Variants in KIF26B observed in about 807,000 individuals in gnomAD.
The protein encoded by KIF26B is kinesin-like protein KIF26B.
KIF26B carries 63 observed loss-of-function variants against 151.2 expected under a neutral mutation model. That is an observed-to-expected ratio of 0.42 (90% CI 0.34 to 0.51). The LOEUF (loss-of-function observed/expected upper bound fraction) is 0.51. Ranked by LOEUF, KIF26B falls within the 20% of genes least tolerant of loss-of-function variation. The probability of loss-of-function intolerance (pLI) is 0.07; values close to 1 mark genes in which losing one functional copy is unlikely to be tolerated. For missense variants in KIF26B, 2,813 were observed against 2,913.6 expected (o/e 0.97, Z 0.79); for synonymous variants, 1,357 against 1,262.1 (o/e 1.08, Z -1.59).
chr1:245,691,281 C>A (rs1318157210), intron 12 of KIF26B, among the ~76,000 whole-genome samples: 1 of 152,252 alleles, frequency 6.6e-6, no homozygotes, highest in African/African-American at 2.4e-5. Context: ...TCTGCATACG[C>A]CCTTGCTCTG....
In KIF26B at chr1:245,367,062, G is replaced by A; in HGVS notation, c.694G>A (p.Gly232Arg). ...GCTCTCCAACATCCCCACCCTGGTG[G>A]GGTCCCGGCACGTGGGTGGGCTCCA... ...PPLSNIPTLV[G>R]SRHVGGLQQP... Residue 232 changes from glycine (G) to arginine (R), a missense_variant, in exon 3 of 15, where the codon GGG becomes AGG. This residue lies in a region of KIF26B where 676 missense variants were observed against 688.1 expected (regional missense o/e 0.98). Coordinates refer to ENST00000407071, the MANE Select transcript of KIF26B (RefSeq NM_018012.4). This position sits in a 1 kb window ranked among gnomAD's most constrained non-coding sequence, Gnocchi z 4.2. The A allele has an allele frequency of 1.9e-6, 3 of 1,606,098 alleles. No individual in the cohort carries two copies. The highest frequency in any genetic ancestry group is 1.7e-4 in the Middle Eastern group (1 of 6,048).
chr1:245,377,814 A>G (rs532494864), intron 3 of KIF26B, among the ~76,000 whole-genome samples: 22 of 152,230 alleles, frequency 1.4e-4, no homozygotes, highest in African/African-American at 5.3e-4. Flanking sequence ...TTGGAGGAAA[A>G]AAAAGGAACA....
chr1:245,522,222 G>C (rs1463431901), intron 4 of KIF26B, among the ~76,000 whole-genome samples: 2 of 152,196 alleles, frequency 1.3e-5, no homozygotes, highest in African/African-American at 2.4e-5. Context: ...CTGGGGGCAT[G>C]AGGGACATAG....
intron 10 of KIF26B, among the ~76,000 whole-genome samples, chr1:245,647,635 T>C (rs1437786473): frequency 6.6e-6 from 1 of 152,146 alleles, no homozygotes; most frequent in Non-Finnish European, 1.5e-5. Flanking sequence ...GTAAAAACCC[T>C]ACAAAACCTA....
chr1:245,350,621 C>G (rs531047930), intron 2 of KIF26B, among the ~76,000 whole-genome samples: 6 of 152,214 alleles, frequency 3.9e-5, no homozygotes, highest in African/African-American at 1.4e-4. Context: ...AGCTGCATCC[C>G]AAGTGTTTTT....
intron 3 of KIF26B, among the ~76,000 whole-genome samples, chr1:245,385,797 G>A (rs1240436449): frequency 2.0e-5 from 3 of 152,202 alleles, no homozygotes; most frequent in African/African-American, 7.2e-5. Flanking sequence ...GAGACAGGGA[G>A]GTTGGCAGAC....
intron 4 of KIF26B, among the ~76,000 whole-genome samples, chr1:245,502,772 G>T (rs888322563): frequency 1.3e-5 from 2 of 151,582 alleles, no homozygotes; most frequent in African/African-American, 2.4e-5. Flanking sequence ...GAGGGTTAAA[G>T]AACATCAGTG....
intron 9 of KIF26B, among the ~76,000 whole-genome samples, chr1:245,631,550 A>C (rs2043781876): frequency 6.6e-6 from 1 of 152,094 alleles, no homozygotes; most frequent in African/African-American, 2.4e-5. Context: ...TGATTTTTGC[A>C]TCTATGTTCA....
At chr1:245,680,522 G>C (rs58377401) in intron 10 of KIF26B, among the ~76,000 whole-genome samples, 4,015 of 152,228 alleles carry the variant, frequency 0.026, 92 homozygotes, top group East Asian at 0.06. Context: ...GTGGGGAGTC[G>C]CGGAAATACA....
intron 3 of KIF26B, among the ~76,000 whole-genome samples, chr1:245,394,676 GT>G (rs907763110): frequency 7.5e-6 from 1 of 132,616 alleles, no homozygotes; most frequent in Non-Finnish European, 1.6e-5. Context: ...GTACCTTCAA[GT>G]TTTTTTCTTT....
chr1:245,520,520 CCATCCAT>C (rs1661069220), intron 4 of KIF26B, among the ~76,000 whole-genome samples: 1 of 332 alleles, frequency 3.0e-3, no homozygotes, highest in Non-Finnish European at 6.2e-3. Flanking sequence ...ATTCATCCAT[CCATCCAT>C]CCATCCATCC....
At chr1:245,297,866 G>A (rs1671364463) in intron 2 of KIF26B, among the ~76,000 whole-genome samples, 1 of 137,950 alleles carries the variant, frequency 7.2e-6, no homozygotes, top group African/African-American at 2.9e-5. Flanking sequence ...ATGCCTGATG[G>A]GCATCAGTTT....
intron 12 of KIF26B, among the ~76,000 whole-genome samples, chr1:245,689,570 C>T (rs1412335748): frequency 6.6e-6 from 1 of 152,012 alleles, no homozygotes; most frequent in African/African-American, 2.4e-5. Context: ...TCTTTTTTTC[C>T]TTTTTTTGAG....
chr1:245,288,397 C>G (rs970159833), intron 2 of KIF26B, among the ~76,000 whole-genome samples: 1 of 152,198 alleles, frequency 6.6e-6, no homozygotes, highest in Non-Finnish European at 1.5e-5. Flanking sequence ...AATGCAGCAT[C>G]CCATTTAACG....
chr1:245,424,742 G>T (rs530368276), intron 4 of KIF26B, among the ~76,000 whole-genome samples: 1 of 150,262 alleles, frequency 6.7e-6, no homozygotes, highest in Non-Finnish European at 1.5e-5. Flanking sequence ...AAAAATCGGG[G>T]CTTGCATTTT....
Position 245,488,944 on chromosome 1 carries a change from G to T in KIF26B, c.1167-51823G>T, listed in dbSNP as rs1474278099. Among the ~76,000 whole-genome samples, 1 of 152,146 alleles carries T rather than the reference G, an allele frequency of 6.6e-6. No individual in the cohort carries two copies. Among genetic ancestry groups the T allele is most frequent in the Non-Finnish European group, 1.5e-5 (1 of 68,030 alleles). ...CTCCTCTAGTGACTCTTAAGCCTCAGGCTCTTTTATTTGCAAATGTCCTGC... is the reference window on the plus strand; with the variant it reads ...CTCCTCTAGTGACTCTTAAGCCTCATGCTCTTTTATTTGCAAATGTCCTGC... On this transcript the variant is annotated intron_variant, in intron 4 of 14. Transcript: ENST00000407071. This position sits in a 1 kb window ranked among gnomAD's most constrained non-coding sequence, Gnocchi z 4.6.
intron 5 of KIF26B, among the ~76,000 whole-genome samples, chr1:245,559,727 A>G (rs2042920386): frequency 6.6e-6 from 1 of 151,604 alleles, no homozygotes; most frequent in African/African-American, 2.4e-5. Context: ...TTGTTTTTGT[A>G]GAGATGGGGG....
Position 245,684,355 on chromosome 1 carries a change from T to C in KIF26B, c.2381T>C (p.Ile794Thr), listed in dbSNP as rs1306218260. ...GCGGAGACCCTGTCCACCATCCAGA[T>C]TGCATCGAGAGTCTTGAGGATGAAG... is the stretch of plus-strand genomic sequence containing the variant. ...SYAETLSTIQ[I>T]ASRVLRMKKK... The change falls in exon 11 of 15, where the codon ATT becomes ACT. Residue 794 changes from isoleucine (I) to threonine (T), a missense_variant. By Grantham distance (89) the Ile-to-Thr change is moderately conservative (BLOSUM62 -1). Around this residue, in one of 3 missense-constraint regions of KIF26B, gnomAD observed 2,060 missense variants for 2,088.6 expected, o/e 0.99. Coordinates refer to ENST00000407071, the MANE Select transcript of KIF26B (RefSeq NM_018012.4). 2.5e-6 allele frequency: 4 copies of C among 1,613,556 alleles called. No homozygotes were observed. The highest frequency in any genetic ancestry group is 3.4e-6 in the Non-Finnish European group (4 of 1,179,734).
At chr1:245,619,262 A>T (rs2043630724) in intron 9 of KIF26B, among the ~76,000 whole-genome samples, 1 of 152,194 alleles carries the variant, frequency 6.6e-6, no homozygotes, top group Non-Finnish European at 1.5e-5. Flanking sequence ...GTTCCTTGAG[A>T]CAGAGTGCCA....
Sources: allele counts gnomAD v4.1 joint callset (sites outside exome capture counted in the v4.1 genomes callset), GRCh38; gene constraint gnomAD v4.1.1; regional missense constraint gnomAD v4.1.1; non-coding constraint Gnocchi (gnomAD v3.1); transcripts MANE v1.5; gene names NCBI Gene and HGNC (gene_info 2026-07-23, HGNC 2026-07-21).